Variants in VWDE observed in about 807,000 individuals in gnomAD.
VWDE encodes von Willebrand factor D and EGF domains.
In VWDE, 207 loss-of-function variants were observed where a neutral mutation model predicts 178.4. The observed-to-expected ratio is 1.16, with a 90% confidence interval of 1.04 to 1.30. The LOEUF is 1.30. Ranked by LOEUF, VWDE falls within the 50% of genes most tolerant of loss-of-function variation. VWDE has a pLI of 0.00. For missense variants in VWDE, 2,287 were observed against 1,901.3 expected (o/e 1.20, Z -3.77); for synonymous variants, 738 against 651.4 (o/e 1.13, Z -2.02).
At chr7:12,393,375 A>T (rs1784476598) in intron 2 of VWDE, among the ~76,000 whole-genome samples, 1 of 152,176 alleles carries the variant, frequency 6.6e-6, no homozygotes, top group South Asian at 2.1e-4. Flanking sequence ...TTTATACAAG[A>T]TATTGTCGGT....
At position 12,336,976 on chromosome 7, in the gene VWDE, TATTCCTC is replaced by T; in HGVS notation, c.4558+5_4558+11del. Reference sequence around the variant, plus strand: ...GACGAAAGCTTCAGTGTTTTAAGAGTATTCCTCTTACGTGTGTTGCATCGTTTCCCAC... The same window carrying T: ...GACGAAAGCTTCAGTGTTTTAAGAGTTTACGTGTGTTGCATCGTTTCCCAC... On this transcript the variant is annotated splice_donor_5th_base_variant and intron_variant, in intron 26 of 28. Transcript: ENST00000275358. The T allele has an allele frequency of 6.5e-7, 1 of 1,539,648 alleles. No individual in the cohort carries two copies. The highest frequency in any genetic ancestry group is 8.8e-7 in the Non-Finnish European group (1 of 1,138,466).
chr7:12,362,993 T>C (rs143058391), intron 13 of VWDE, among the ~76,000 whole-genome samples: 84 of 152,222 alleles, frequency 5.5e-4, no homozygotes, highest in African/African-American at 1.9e-3. Flanking sequence ...CTACCCAAAA[T>C]GAGGAATATA....
chr7:12,388,302 G>GTT (rs925327286), intron 3 of VWDE, among the ~76,000 whole-genome samples: 1 of 152,104 alleles, frequency 6.6e-6, no homozygotes, highest in African/African-American at 2.4e-5. Context: ...GACATGTGAT[G>GTT]TCAACATGCG....
chr7:12,358,260 G>A (rs535098363), intron 16 of VWDE, among the ~76,000 whole-genome samples: 2 of 151,996 alleles, frequency 1.3e-5, no homozygotes, highest in Admixed American at 6.6e-5. Context: ...TGTAATTCCA[G>A]CTACTTGGGA....
chr7:12,361,698 T>C (rs903273289), intron 13 of VWDE, among the ~76,000 whole-genome samples, 177 bp from the exon 14 acceptor site: 1 of 152,194 alleles, frequency 6.6e-6, no homozygotes, highest in African/African-American at 2.4e-5. Context: ...GAAAAACATA[T>C]ATATGTTAAT....
Position 12,390,321 on chromosome 7 carries a change from T to C in VWDE, c.244-963A>G, listed in dbSNP as rs183493313. 1.4e-3 allele frequency among the ~76,000 whole-genome samples: 217 copies of C among 152,114 alleles called. 1 individual carries two copies. Among genetic ancestry groups the C allele is most frequent in the African/African-American group, 4.7e-3 (195 of 41,514 alleles). Reference sequence around the variant, plus strand: ...GGGAAGAACCAGGGCCCTTACTAAATGCATGATCTTGGACAAGGCACTCAA... The same window carrying C: ...GGGAAGAACCAGGGCCCTTACTAAACGCATGATCTTGGACAAGGCACTCAA... On this transcript the variant is annotated intron_variant, in intron 2 of 28. Coordinates refer to ENST00000275358, the MANE Select transcript of VWDE (RefSeq NM_001135924.3).
At chr7:12,346,624 G>GT (rs1280146817) in intron 19 of VWDE, among the ~76,000 whole-genome samples, 1 of 151,488 alleles carries the variant, frequency 6.6e-6, no homozygotes, top group African/African-American at 2.4e-5. Flanking sequence ...GGCGGGGGCG[G>GT]GGGGGATCAT....
intron 24 of VWDE, among the ~76,000 whole-genome samples, chr7:12,338,476 C>T (rs1172700380): frequency 6.6e-6 from 1 of 151,892 alleles, no homozygotes; most frequent in East Asian, 1.9e-4. Flanking sequence ...TAAAAAAGCT[C>T]CACAAATTGT....
chr7:12,371,841 G>A (rs1783219927), intron 10 of VWDE, among the ~76,000 whole-genome samples: 1 of 151,990 alleles, frequency 6.6e-6, no homozygotes, highest in Non-Finnish European at 1.5e-5. Flanking sequence ...AGTTAAACCT[G>A]TTTATTGATC....
intron 1 of VWDE, among the ~76,000 whole-genome samples, chr7:12,401,744 T>C (rs1311375331): frequency 3.9e-5 from 6 of 152,120 alleles, no homozygotes; most frequent in African/African-American, 1.4e-4. Flanking sequence ...GTTCCTTAAG[T>C]AGTTAATCAC....
chr7:12,403,829 T>TCCAA lies in VWDE; in HGVS notation c.-114_-113insTTGG. On this transcript the variant is annotated 5_prime_UTR_variant, in exon 1 of 29. Transcript: ENST00000275358. ...CCTTTCTTGGATTTTCTCAGTCTGT[T>TCCAA]GCTGCTTGGAACAGGGAAGCTCCGC... is the stretch of plus-strand genomic sequence containing the variant. 3 of 1,195,750 alleles carry TCCAA rather than the reference T, an allele frequency of 2.5e-6. No homozygotes were observed. Among genetic ancestry groups the TCCAA allele is most frequent in the Non-Finnish European group, 3.6e-6 (3 of 839,752 alleles). The allele number at this position is 1,195,750 out of a possible 1,614,324, so 74.1% of individuals were successfully genotyped here.
At chr7:12,395,486 G>A (rs10278300) in intron 1 of VWDE, among the ~76,000 whole-genome samples, 23,470 of 151,892 alleles carry the variant, frequency 0.15, 2,132 homozygotes, top group African/African-American at 0.25. Flanking sequence ...ATTTCTTCTG[G>A]TTTAGCTGCT....
chr7:12,359,763 T>G, intron 15 of VWDE, 71 bp from the exon 16 acceptor site: 29 of 835,388 alleles, frequency 3.5e-5, no homozygotes, highest in Non-Finnish European at 4.4e-5. Flanking sequence ...CATAGAAGGA[T>G]GGCAGTGTAT....
rs1440013 is a variant in VWDE, at chr7:12,362,384, T to C, written c.2899-863A>G. ...TAATAAATATTTTTGCTCAAGTTAGTTTATTAGTAATTTGAAACTAAATAA... is the reference window on the plus strand; with the variant it reads ...TAATAAATATTTTTGCTCAAGTTAGCTTATTAGTAATTTGAAACTAAATAA... On this transcript the variant is annotated intron_variant, in intron 13 of 28. Coordinates refer to ENST00000275358, the MANE Select transcript of VWDE (RefSeq NM_001135924.3). 1.0e-3 allele frequency among the ~76,000 whole-genome samples: 158 copies of C among 152,204 alleles called. 1 individual carries two copies. The highest frequency in any genetic ancestry group is 3.6e-3 in the African/African-American group (150 of 41,550).
intron 1 of VWDE, among the ~76,000 whole-genome samples, chr7:12,403,385 C>T (rs1785002965): frequency 6.6e-6 from 1 of 152,162 alleles, no homozygotes; most frequent in East Asian, 1.9e-4. Context: ...AGGATAACAG[C>T]AGGAAACAAC....
At position 12,337,043 on chromosome 7, in the gene VWDE, C is replaced by T. The variant is rs762533705; in HGVS notation, c.4503G>A (p.Val1501=). ...AAGGACAAGAGCAAGTGCTTGGTCC[C>T]ACACATTTTCCTCCATTCATGCACG... is the stretch of plus-strand genomic sequence containing the variant. The part of the protein sequence containing the change: ...DPTCMNGGKC[V]GPSTCSCPSG... Residue 1501 remains valine (V), a synonymous_variant, in exon 26 of 29, where the codon GTG becomes GTA. Transcript: ENST00000275358. 1.3e-6 allele frequency: 2 copies of T among 1,551,544 alleles called. No individual in the cohort carries two copies. Among genetic ancestry groups the T allele is most frequent in the South Asian group, 1.2e-5 (1 of 84,044 alleles).
intron 10 of VWDE, among the ~76,000 whole-genome samples, chr7:12,371,795 T>C (rs1783217179): frequency 6.6e-6 from 1 of 152,114 alleles, no homozygotes; most frequent in African/African-American, 2.4e-5. Flanking sequence ...GACTACAAAG[T>C]ATTCTACTAT....
intron 19 of VWDE, among the ~76,000 whole-genome samples, chr7:12,344,804 T>C (rs1306840500): frequency 2.0e-5 from 3 of 152,280 alleles, no homozygotes; most frequent in South Asian, 2.1e-4. Context: ...TAAAGTGATA[T>C]ATAACTTGCT....
At chr7:12,383,058 T>C (rs1783934174) in intron 4 of VWDE, among the ~76,000 whole-genome samples, 1 of 151,982 alleles carries the variant, frequency 6.6e-6, no homozygotes, top group Non-Finnish European at 1.5e-5. Context: ...TGTACTTCTA[T>C]ACTTTAATGG....
Sources: allele counts gnomAD v4.1 joint callset (sites outside exome capture counted in the v4.1 genomes callset), GRCh38; gene constraint gnomAD v4.1.1; transcripts MANE v1.5; gene names NCBI Gene and HGNC (gene_info 2026-07-23, HGNC 2026-07-21).